ATP6V1H: variants seen among roughly 807,000 people sequenced by gnomAD.
ATP6V1H encodes V-type proton ATPase subunit H.
ATP6V1H carries 39 observed loss-of-function variants against 71.7 expected under a neutral mutation model. The ratio of observed to expected loss-of-function variants is 0.54; its 90% CI spans 0.42 to 0.71. ATP6V1H has a LOEUF of 0.71. ATP6V1H is among the 30% of genes least tolerant of loss of function. The pLI, the probability that ATP6V1H is intolerant of heterozygous loss-of-function variation, is 0.00. For synonymous variants in ATP6V1H, 192 were observed against 199.3 expected, an observed-to-expected ratio of 0.96 and a Z score of 0.31; for missense variants, 509 against 594.9, an observed-to-expected ratio of 0.86 and a Z score of 1.50.
chr8:53,795,865 C>G, intron 8 of ATP6V1H, 26 bp from the exon 9 acceptor site: 3 of 1,566,500 alleles, frequency 1.9e-6, no homozygotes, highest in Middle Eastern at 1.7e-4. Flanking sequence ...ACAAAAAAAA[C>G]ACATTTACAA....
At chr8:53,787,853 C>A (rs1390659545) in intron 9 of ATP6V1H, among the ~76,000 whole-genome samples, 2 of 152,148 alleles carry the variant, frequency 1.3e-5, no homozygotes, top group Non-Finnish European at 2.9e-5. Context: ...AAATAAAATT[C>A]ATCCAGCCAA....
At chr8:53,789,685 AC>A (rs1407319967) in intron 9 of ATP6V1H, among the ~76,000 whole-genome samples, 1 of 152,210 alleles carries the variant, frequency 6.6e-6, no homozygotes, top group Non-Finnish European at 1.5e-5. Flanking sequence ...CGTCTATTTC[AC>A]CTTAAATAGA....
At chr8:53,776,043 G>A (rs893408269) in intron 9 of ATP6V1H, among the ~76,000 whole-genome samples, 12 of 152,216 alleles carry the variant, frequency 7.9e-5, no homozygotes, top group Non-Finnish European at 1.8e-4. Flanking sequence ...GGCCTGCCCC[G>A]CGGGAAGGCA....
intron 9 of ATP6V1H, among the ~76,000 whole-genome samples, chr8:53,776,610 A>G (rs1330631418): frequency 6.6e-6 from 1 of 152,238 alleles, no homozygotes; most frequent in African/African-American, 2.4e-5. Flanking sequence ...ATGGAGAAAC[A>G]TAACAGAAGC....
intron 7 of ATP6V1H, 82 bp from the exon 8 acceptor site, chr8:53,801,978 C>G: frequency 1.6e-6 from 2 of 1,230,946 alleles, no homozygotes; most frequent in African/African-American, 1.5e-5. Context: ...AATGAAAAGT[C>G]AGATTACCTA....
intron 2 of ATP6V1H, among the ~76,000 whole-genome samples, chr8:53,838,738 T>G (rs1300393188): frequency 6.6e-6 from 1 of 152,188 alleles, no homozygotes; most frequent in Admixed American, 6.5e-5. Context: ...AGAAAAAAGC[T>G]TAATCAAATA....
intron 7 of ATP6V1H, among the ~76,000 whole-genome samples, chr8:53,802,866 A>T (rs1809958361): frequency 6.6e-6 from 1 of 152,258 alleles, no homozygotes; most frequent in African/African-American, 2.4e-5. Flanking sequence ...TATGATTTTT[A>T]AAACCATCAG....
At chr8:53,783,589 C>G (rs201820112) in intron 9 of ATP6V1H, among the ~76,000 whole-genome samples, 12 of 152,178 alleles carry the variant, frequency 7.9e-5, no homozygotes, top group African/African-American at 2.4e-4. Context: ...GCTAGCTTTT[C>G]AACGTGTTTG....
chr8:53,809,280 A>C (rs1218843073), intron 7 of ATP6V1H, among the ~76,000 whole-genome samples: 2 of 152,202 alleles, frequency 1.3e-5, no homozygotes, highest in African/African-American at 4.8e-5. Context: ...TCAGGCACAT[A>C]GTTAAGTGCT....
chr8:53,818,425 A>T (rs1810525610), intron 4 of ATP6V1H, among the ~76,000 whole-genome samples: 1 of 152,166 alleles, frequency 6.6e-6, no homozygotes, highest in African/African-American at 2.4e-5. Flanking sequence ...ATTATTTTTA[A>T]ATATAGTGGG....
chr8:53,821,605 T>G (rs900038944), intron 4 of ATP6V1H, among the ~76,000 whole-genome samples: 1 of 152,098 alleles, frequency 6.6e-6, no homozygotes, highest in African/African-American at 2.4e-5. Flanking sequence ...GAGAATCACT[T>G]GAACTTGGGA....
chr8:53,794,326 A>G (rs961495613), intron 9 of ATP6V1H, among the ~76,000 whole-genome samples: 1 of 152,188 alleles, frequency 6.6e-6, no homozygotes, highest in African/African-American at 2.4e-5. Context: ...TGTTATCTAC[A>G]TTAAATTTTG....
intron 12 of ATP6V1H, among the ~76,000 whole-genome samples, chr8:53,754,920 T>C (rs1807946257): frequency 6.6e-6 from 1 of 152,206 alleles, no homozygotes; most frequent in African/African-American, 2.4e-5. Context: ...GTCCGTACCA[T>C]GGAATGGCTG....
intron 13 of ATP6V1H, among the ~76,000 whole-genome samples, chr8:53,716,700 C>T (rs1187447421): frequency 6.6e-6 from 1 of 152,120 alleles, no homozygotes; most frequent in African/African-American, 2.4e-5. Context: ...GAGCAGTGGT[C>T]CCCAATCCTT....
In ATP6V1H at chr8:53,753,461, G is replaced by A. The variant is rs1334360733; in HGVS notation, c.1277+3094C>T. On this transcript the variant is annotated intron_variant, in intron 12 of 13. Coordinates refer to ENST00000359530, the MANE Select transcript of ATP6V1H (RefSeq NM_015941.4). Reference sequence around the variant, plus strand: ...GAACAGGGCAGTAGAGCAGAATTACGTGAAGGCATAGCAGGCTTCTGCCTT... The same window carrying A: ...GAACAGGGCAGTAGAGCAGAATTACATGAAGGCATAGCAGGCTTCTGCCTT... Among the ~76,000 whole-genome samples the A allele has an allele frequency of 7.2e-5, 11 of 152,226 alleles. No individual in the cohort carries two copies. The South Asian group carries it at 1.4e-3, about 20-fold the overall frequency.
chr8:53,742,090 T>C (rs1807432585), intron 13 of ATP6V1H, among the ~76,000 whole-genome samples: 1 of 151,848 alleles, frequency 6.6e-6, no homozygotes, highest in African/African-American at 2.4e-5. Flanking sequence ...AGTCAAATTA[T>C]AGCCTACAAG....
In ATP6V1H at chr8:53,731,834, G is replaced by A. The variant is rs189989403; in HGVS notation, c.1391+11743C>T. Among the ~76,000 whole-genome samples the A allele has an allele frequency of 2.6e-5, 4 of 152,358 alleles. No homozygotes were observed. In the South Asian group the frequency reaches 6.2e-4, roughly 24 times the overall value. The stretch of plus-strand genomic sequence containing the variant: ...AGGCCTGCCCTCTGGAGCATCCCTG[G>A]GGGGGACTCCAGCCAGCTTGAGCGA... On this transcript the variant is annotated intron_variant, in intron 13 of 13. Coordinates refer to ENST00000359530, the MANE Select transcript of ATP6V1H (RefSeq NM_015941.4).
chr8:53,765,351 A>G lies in ATP6V1H; in HGVS notation c.1175+4267T>C, dbSNP rs187280261. Among the ~76,000 whole-genome samples the G allele has an allele frequency of 2.1e-3, 317 of 150,572 alleles. 2 individuals are homozygous for G. Among genetic ancestry groups the G allele is most frequent in the African/African-American group, 7.5e-3 (306 of 40,942 alleles). On this transcript the variant is annotated intron_variant, in intron 11 of 13. Coordinates refer to ENST00000359530, the MANE Select transcript of ATP6V1H (RefSeq NM_015941.4). ...GGAGGCGGAGGCTGCAGTAAGCTGA[A>G]ATTGCGCTATTGCACTCCAGCCTGG... is the stretch of plus-strand genomic sequence containing the variant.
intron 6 of ATP6V1H, among the ~76,000 whole-genome samples, chr8:53,811,879 C>T (rs1291941648): frequency 6.6e-6 from 1 of 152,144 alleles, no homozygotes; most frequent in Non-Finnish European, 1.5e-5. Context: ...AAAAAGGCTT[C>T]AAAGGCCACT....
Sources: gnomAD v4.1 joint callset for allele counts (sites outside exome capture counted in the v4.1 genomes callset) on GRCh38, gnomAD v4.1.1 for gene constraint, MANE v1.5 for transcripts, NCBI Gene and HGNC (gene_info 2026-07-23, HGNC 2026-07-21) for gene names.